The following AGBL1 variants were observed in gnomAD, a reference collection of about 807,000 sequenced individuals.
AGBL1 encodes AGBL carboxypeptidase 1, also known as cytosolic carboxypeptidase 4.
AGBL1 carries 130 observed loss-of-function variants against 118.9 expected under a neutral mutation model. The ratio of observed to expected loss-of-function variants is 1.09; its 90% CI spans 0.95 to 1.26. The LOEUF is 1.26. Ranked by LOEUF, AGBL1 falls within the 50% of genes most tolerant of loss-of-function variation. The pLI is 0.00. For missense variants in AGBL1, 1,584 were observed against 1,298.1 expected, an observed-to-expected ratio of 1.22 and a Z score of -3.38; for synonymous variants, 555 against 478.9, an observed-to-expected ratio of 1.16 and a Z score of -2.08.
chr15:86,641,030 C>A (rs1255947704), intron 21 of AGBL1, among the ~76,000 whole-genome samples: 1 of 151,618 alleles, frequency 6.6e-6, no homozygotes, highest in African/African-American at 2.4e-5. Flanking sequence ...GGCTTAGTTA[C>A]CTCTTTTGAA....
chr15:86,707,904 G>T (rs1388828241), intron 22 of AGBL1, among the ~76,000 whole-genome samples: 1 of 152,070 alleles, frequency 6.6e-6, no homozygotes, highest in Admixed American at 6.6e-5. Flanking sequence ...CAGCTCTTTG[G>T]AAATCATAGT....
chr15:86,677,156 T>G (rs951345755), intron 22 of AGBL1, among the ~76,000 whole-genome samples: 1 of 152,132 alleles, frequency 6.6e-6, no homozygotes, highest in Non-Finnish European at 1.5e-5. Flanking sequence ...TTTCTGACAA[T>G]AGGTTTCATG....
intron 19 of AGBL1, among the ~76,000 whole-genome samples, chr15:86,534,677 A>G (rs1171906597): frequency 6.6e-6 from 1 of 152,236 alleles, no homozygotes; most frequent in Non-Finnish European, 1.5e-5. Context: ...GCACTGGAAT[A>G]TTATTCAGTA....
chr15:86,308,846 A>G (rs1017584105), intron 17 of AGBL1, among the ~76,000 whole-genome samples: 6 of 152,194 alleles, frequency 3.9e-5, no homozygotes, highest in African/African-American at 1.4e-4. Context: ...TTTTAAAATC[A>G]GGTATTGTGA....
chr15:86,420,917 A>G (rs1481669821), intron 18 of AGBL1, among the ~76,000 whole-genome samples: 2 of 152,202 alleles, frequency 1.3e-5, no homozygotes, highest in African/African-American at 4.8e-5. Context: ...AGAAAAAAGA[A>G]TGAAAAGGAG....
intron 22 of AGBL1, among the ~76,000 whole-genome samples, chr15:86,782,887 C>T (rs1380073427): frequency 1.3e-5 from 2 of 152,042 alleles, no homozygotes; most frequent in Non-Finnish European, 2.9e-5. Flanking sequence ...TTTGACAAGC[C>T]CCAAAGCTAA....
chr15:86,963,252 T>G (rs569065213), intron 23 of AGBL1, among the ~76,000 whole-genome samples: 8 of 152,096 alleles, frequency 5.3e-5, no homozygotes, highest in Non-Finnish European at 7.4e-5. Context: ...AGACATTTAA[T>G]GGCATGAATG....
intron 21 of AGBL1, among the ~76,000 whole-genome samples, chr15:86,629,083 A>G (rs577586148): frequency 6.6e-6 from 1 of 152,282 alleles, no homozygotes. Context: ...TTAGGTCTCC[A>G]GAATTTACTC....
chr15:86,556,284 A>G (rs1426031173), intron 21 of AGBL1: 4 of 1,610,916 alleles, frequency 2.5e-6, no homozygotes, highest in African/African-American at 1.3e-5. Flanking sequence ...GATGGCCTTC[A>G]GGTATTGGAG....
At chr15:87,024,753 G>A (rs74797991) in intron 24 of AGBL1, among the ~76,000 whole-genome samples, 2,291 of 152,012 alleles carry the variant, frequency 0.015, 62 homozygotes, top group African/African-American at 0.053. Flanking sequence ...CTAGTTAACT[G>A]AATCCAACAA....
intron 17 of AGBL1, among the ~76,000 whole-genome samples, chr15:86,379,154 C>A (rs574767888): frequency 8.6e-5 from 13 of 152,038 alleles, no homozygotes; most frequent in Non-Finnish European, 4.4e-5. Context: ...TTCTGATGAT[C>A]CACCTGCCTC....
rs551783231 is a variant in AGBL1, at chr15:86,545,880, C to A, written c.2686-122C>A. The stretch of plus-strand genomic sequence containing the variant: ...GCTGGTCTGCTAACTCAACAGCATC[C>A]GAGAAAGTTGACATTGTAAACTTTC... On this transcript the variant is annotated intron_variant, in intron 19 of 22. Coordinates refer to ENST00000614907, the MANE Select transcript of AGBL1 (RefSeq NM_001386094.1). 7.3e-6 allele frequency: 9 copies of A among 1,232,198 alleles called. No individual in the cohort carries two copies. In the East Asian group the frequency reaches 2.1e-4, roughly 28 times the overall value. The allele number at this position is 1,232,198 out of a possible 1,614,324, so 76.3% of individuals were successfully genotyped here.
intron 20 of AGBL1, among the ~76,000 whole-genome samples, chr15:86,550,068 A>G (rs916137322): frequency 1.3e-5 from 2 of 152,156 alleles, no homozygotes; most frequent in Non-Finnish European, 2.9e-5. Flanking sequence ...AACAGAGAAA[A>G]CAAGATTAAA....
chr15:86,157,540 C>T (rs896542123), intron 4 of AGBL1, among the ~76,000 whole-genome samples: 3 of 152,138 alleles, frequency 2.0e-5, no homozygotes, highest in African/African-American at 4.8e-5. Flanking sequence ...GAGGAGGTGG[C>T]TATCTGATTC....
At chr15:86,209,658 G>A (rs1017489348) in intron 5 of AGBL1, among the ~76,000 whole-genome samples, 11 of 151,162 alleles carry the variant, frequency 7.3e-5, no homozygotes, top group African/African-American at 1.7e-4. Flanking sequence ...TTTGCTTTCC[G>A]TTTGCTTGGT....
chr15:87,006,862 G>A (rs566148896), intron 24 of AGBL1, among the ~76,000 whole-genome samples: 2 of 152,266 alleles, frequency 1.3e-5, no homozygotes, highest in South Asian at 4.1e-4. Context: ...AGCCTGAGAA[G>A]AATGGAATGA....
rs189186064 is a variant in AGBL1 at position 86,273,963 on chromosome 15, A to T, written c.2075+2257A>T. Among the ~76,000 whole-genome samples the T allele has an allele frequency of 5.5e-3, 840 of 152,324 alleles. 5 individuals carry two copies. The highest frequency in any genetic ancestry group is 0.02 in the African/African-American group (812 of 41,586). On this transcript the variant is annotated intron_variant, in intron 15 of 22. Transcript: ENST00000614907. ...ATGGGCTGACTACTCTGTAGGGCCA[A>T]TCGTCATCAAATAGTCTCCAAACTA... is the stretch of plus-strand genomic sequence containing the variant.
In AGBL1 at chr15:86,390,660, ATTTTTTTTTT is replaced by A. The variant is rs756052402; in HGVS notation, c.2375-6689_2375-6680del. ...AGGCAGAAAAGTTATATACTGTATG[ATTTTTTTTTT>A]TTTTTTTTTTTTTTTTGAGACAGAG... On this transcript the variant is annotated intron_variant, in intron 17 of 22. Transcript: ENST00000614907. 3.7e-3 allele frequency among the ~76,000 whole-genome samples: 276 copies of A among 75,470 alleles called. 3 individuals are homozygous for A. The highest frequency in any genetic ancestry group is 0.013 in the African/African-American group (250 of 18,986). The allele number at this position is 75,470 out of a possible 152,430, so 49.5% of individuals were successfully genotyped here.
At chr15:86,719,852 G>T (rs765300010) in intron 22 of AGBL1, among the ~76,000 whole-genome samples, 2 of 152,198 alleles carry the variant, frequency 1.3e-5, no homozygotes, top group Non-Finnish European at 2.9e-5. Flanking sequence ...AAGGTGGGAG[G>T]ATGAGGATAA....
Sources: gnomAD v4.1 joint callset for allele counts (sites outside exome capture counted in the v4.1 genomes callset) on GRCh38, gnomAD v4.1.1 for gene constraint, MANE v1.5 for transcripts, NCBI Gene and HGNC (gene_info 2026-07-23, HGNC 2026-07-21) for gene names.